Variants in TCEA3 observed in about 807,000 individuals in gnomAD.
TCEA3 encodes transcription elongation factor A protein 3.
In TCEA3, 36 loss-of-function variants were observed where a neutral mutation model predicts 44.0. That is an observed-to-expected ratio of 0.82 (90% CI 0.63 to 1.08). The LOEUF (loss-of-function observed/expected upper bound fraction) is 1.08, where lower values mean the gene tolerates loss of function less well. Ranked by LOEUF, TCEA3 falls within the 50% of genes least tolerant of loss-of-function variation. The pLI is 0.00. For missense variants in TCEA3, 392 were observed against 441.2 expected (o/e 0.89, Z 1.00); for synonymous variants, 162 against 159.7 (o/e 1.01, Z -0.11).
chr1:23,392,681 C>T (rs1639095671), intron 8 of TCEA3, among the ~76,000 whole-genome samples: 2 of 151,422 alleles, frequency 1.3e-5, no homozygotes, highest in Non-Finnish European at 2.9e-5. Flanking sequence ...ACACTCCACA[C>T]ATCACACACA....
chr1:23,417,467 A>C (rs150525423), intron 3 of TCEA3, 77 bp from the exon 4 acceptor site: 20,909 of 1,530,418 alleles, frequency 0.014, 145 homozygotes, highest in Non-Finnish European at 0.017. Flanking sequence ...GTGGGGAGAG[A>C]GCAAAGGGCA....
At chr1:23,418,842 AG>A (rs974721889) in intron 2 of TCEA3, among the ~76,000 whole-genome samples, 16 of 152,002 alleles carry the variant, frequency 1.1e-4, no homozygotes, top group Non-Finnish European at 2.2e-4. Flanking sequence ...AAAGCGAACC[AG>A]TCTTGCTCCA....
intron 9 of TCEA3, 32 bp downstream of exon 9, chr1:23,387,241 G>A (rs1463220499): frequency 6.2e-7 from 1 of 1,608,368 alleles, no homozygotes; most frequent in Non-Finnish European, 8.5e-7. Context: ...GCGGCCTCCT[G>A]CACCTCCGGC....
At chr1:23,387,461 A>G (rs1348464637) in intron 8 of TCEA3, 42 bp from the exon 9 acceptor site, 4 of 1,541,256 alleles carry the variant, frequency 2.6e-6, no homozygotes, top group Non-Finnish European at 3.5e-6. Flanking sequence ...GAGGAGTTTC[A>G]GGGGCCCTGC....
chr1:23,394,593 C>T (rs1260102894), intron 7 of TCEA3, among the ~76,000 whole-genome samples: 1 of 152,170 alleles, frequency 6.6e-6, no homozygotes, highest in Non-Finnish European at 1.5e-5. Context: ...AACCACTGAG[C>T]TTTGTTTAAT....
At chr1:23,394,284 G>A (rs1031021600) in intron 7 of TCEA3, among the ~76,000 whole-genome samples, 1 of 152,152 alleles carries the variant, frequency 6.6e-6, no homozygotes, top group Non-Finnish European at 1.5e-5. Context: ...TAGTGTCAGG[G>A]ACACCAGGAC....
chr1:23,404,972 C>A (rs535264021), intron 5 of TCEA3, among the ~76,000 whole-genome samples: 3 of 151,692 alleles, frequency 2.0e-5, no homozygotes. Context: ...AAGGTGGTGT[C>A]GGGGAGTTCC....
chr1:23,386,016 A>G (rs1184920620), intron 9 of TCEA3, among the ~76,000 whole-genome samples: 1 of 151,926 alleles, frequency 6.6e-6, no homozygotes, highest in African/African-American at 2.4e-5. Flanking sequence ...ACTGTCTATG[A>G]CTCTTCAGCC....
At chr1:23,396,156 C>T (rs554870767) in intron 7 of TCEA3, among the ~76,000 whole-genome samples, 2 of 152,208 alleles carry the variant, frequency 1.3e-5, no homozygotes, top group African/African-American at 4.8e-5. Context: ...GGGTAGGCCA[C>T]AGGAAGAAGA....
intron 5 of TCEA3, among the ~76,000 whole-genome samples, chr1:23,400,643 C>T (rs1010966250): frequency 1.3e-5 from 2 of 152,148 alleles, no homozygotes; most frequent in Non-Finnish European, 2.9e-5. Flanking sequence ...AATAACCCAT[C>T]AGAATCTGCC....
At chr1:23,384,278 T>C in intron 10 of TCEA3, 68 bp downstream of exon 10, 3 of 1,611,894 alleles carry the variant, frequency 1.9e-6, no homozygotes, top group Non-Finnish European at 2.5e-6. Context: ...GGGTTGTGGG[T>C]ACACTACGCC....
chr1:23,408,991 G>T (rs1639633561), intron 4 of TCEA3, among the ~76,000 whole-genome samples: 1 of 152,220 alleles, frequency 6.6e-6, no homozygotes, highest in Admixed American at 6.5e-5. Context: ...GACATGGGTT[G>T]TGTTGCTCAT....
chr1:23,423,936 G>GCGGGCCCC lies in TCEA3; in HGVS notation c.69+621_69+628dup, dbSNP rs1427058524. On this transcript the variant is annotated intron_variant, in intron 1 of 10. Transcript: ENST00000450454. ...CAGCCCGGCCCCCTTCCCCCGCCCC[G>GCGGGCCCC]CGGGCCCCCGCACCTGTTCGGCCCC... 6.8e-6 allele frequency: 3 copies of GCGGGCCCC among 441,306 alleles called. No individual in the cohort carries two copies. In the Admixed American group the frequency reaches 7.2e-5, roughly 11 times the overall value. The allele number at this position is 441,306 out of a possible 1,614,324, so 27.3% of individuals were successfully genotyped here.
intron 8 of TCEA3, among the ~76,000 whole-genome samples, chr1:23,392,671 ACACT>A (rs1486927917): frequency 6.6e-6 from 1 of 151,236 alleles, no homozygotes; most frequent in African/African-American, 2.4e-5. Flanking sequence ...CACACCACAC[ACACT>A]CCACACATCA....
At chr1:23,405,332 C>T (rs1639512479) in intron 5 of TCEA3, among the ~76,000 whole-genome samples, 1 of 152,154 alleles carries the variant, frequency 6.6e-6, no homozygotes, top group South Asian at 2.1e-4. Flanking sequence ...CACGGTGGCT[C>T]ACACCTGTAA....
At chr1:23,383,132 T>C (rs372397524) in intron 10 of TCEA3, among the ~76,000 whole-genome samples, 333 of 152,116 alleles carry the variant, frequency 2.2e-3, no homozygotes, top group African/African-American at 7.7e-3. Context: ...ACAAAAAAAT[T>C]AGCCGGGTGT....
chr1:23,417,139 A>C (rs1010548295), intron 4 of TCEA3, 110 bp downstream of exon 4: 2 of 1,365,572 alleles, frequency 1.5e-6, no homozygotes, highest in Non-Finnish European at 2.0e-6. Flanking sequence ...AGATAATACC[A>C]ATATCTTCCT....
At chr1:23,399,315 T>C (rs1311442186) in intron 5 of TCEA3, among the ~76,000 whole-genome samples, 1 of 151,848 alleles carries the variant, frequency 6.6e-6, no homozygotes, top group Non-Finnish European at 1.5e-5. Flanking sequence ...ATCAAGTTGC[T>C]GGCCAATTTG....
intron 8 of TCEA3, among the ~76,000 whole-genome samples, chr1:23,392,542 C>T (rs1368311279): frequency 1.9e-4 from 11 of 58,924 alleles, no homozygotes; most frequent in Non-Finnish European, 2.6e-4. Context: ...ACATCATACA[C>T]GCCACATACA....
Sources: allele counts gnomAD v4.1 joint callset (sites outside exome capture counted in the v4.1 genomes callset), GRCh38; gene constraint gnomAD v4.1.1; transcripts MANE v1.5; gene names NCBI Gene and HGNC (gene_info 2026-07-23, HGNC 2026-07-21).